Variants in PAX5 observed in about 807,000 individuals in gnomAD.
PAX5 encodes the protein paired box protein Pax-5.
In PAX5, 9 loss-of-function variants were observed where a neutral mutation model predicts 43.7. The ratio of observed to expected loss-of-function variants is 0.21; its 90% CI spans 0.12 to 0.36. PAX5 has a LOEUF of 0.36. Among genes scored for constraint, PAX5 ranks in the 10% least tolerant of loss-of-function variants. The pLI is 1.00. For synonymous variants in PAX5, 228 were observed against 214.3 expected (o/e 1.06, Z -0.56); for missense variants, 383 against 532.7 (o/e 0.72, Z 2.77).
Position 36,965,205 on chromosome 9 carries a change from G to A in PAX5, c.780+1344C>T, listed in dbSNP as rs930771904. Among the ~76,000 whole-genome samples, 8 of 152,016 alleles carry A rather than the reference G, an allele frequency of 5.3e-5. No individual in the cohort carries two copies. In the East Asian group the frequency reaches 1.5e-3, roughly 29 times the overall value. ...AGACACCTCCTCCTTAGCACCAAGC[G>A]CACCTGTAACCCATGACCCTTTAGG... On this transcript the variant is annotated intron_variant, in intron 6 of 9. Transcript: ENST00000358127.
rs951590292 is a variant in PAX5 at position 36,837,272 on chromosome 9, T to C, written c.*3288A>G. On this transcript the variant is annotated 3_prime_UTR_variant, in exon 10 of 10. Coordinates refer to ENST00000358127, the MANE Select transcript of PAX5 (RefSeq NM_016734.3). ...TCATGCTCTTTGCTCCACAGAGTGG[T>C]TGAGGATTGCAAAGCACCGTACAAT... 4.3e-6 allele frequency: 1 copy of C among 232,952 alleles called. No homozygotes were observed. The highest frequency in any genetic ancestry group is 8.5e-6 in the Non-Finnish European group (1 of 117,970). The allele number at this position is 232,952 out of a possible 1,614,324, so 14.4% of individuals were successfully genotyped here. A position where few individuals can be genotyped will look rare whatever the true frequency, so the allele number is the denominator to read the frequency against.
At chr9:36,921,797 C>T (rs1830190578) in intron 7 of PAX5, among the ~76,000 whole-genome samples, 1 of 152,214 alleles carries the variant, frequency 6.6e-6, no homozygotes, top group Non-Finnish European at 1.5e-5. Context: ...AGGGCCAGCT[C>T]TAACTCCCCC....
intron 3 of PAX5, among the ~76,000 whole-genome samples, chr9:37,010,843 G>A (rs1206131558): frequency 6.6e-6 from 1 of 152,152 alleles, no homozygotes; most frequent in Non-Finnish European, 1.5e-5. Flanking sequence ...TGGCACCCAG[G>A]CCTGTGACTG....
At chr9:36,969,769 G>T (rs1049426715) in intron 5 of PAX5, among the ~76,000 whole-genome samples, 39 of 152,260 alleles carry the variant, frequency 2.6e-4, no homozygotes, top group African/African-American at 9.4e-4. Context: ...GACTGCCCTC[G>T]AAGGGCTGCG....
intron 8 of PAX5, among the ~76,000 whole-genome samples, chr9:36,866,281 G>C (rs1171493381): frequency 6.6e-6 from 1 of 152,160 alleles, no homozygotes; most frequent in Non-Finnish European, 1.5e-5. Flanking sequence ...CTTTCTAACT[G>C]GGTCACAGCT....
intron 1 of PAX5, chr9:37,026,549 C>A (rs1377748700): frequency 7.5e-7 from 1 of 1,334,406 alleles, no homozygotes; most frequent in Middle Eastern, 2.0e-4. Flanking sequence ...TGGATGCAAA[C>A]GGGTCGTGCT....
intron 7 of PAX5, among the ~76,000 whole-genome samples, chr9:36,906,875 A>G (rs908381383): frequency 6.7e-6 from 1 of 148,378 alleles, no homozygotes; most frequent in Non-Finnish European, 1.5e-5. Context: ...TTTATAGATG[A>G]GGAGACTGAG....
chr9:37,001,670 A>G (rs1320046689), intron 5 of PAX5, among the ~76,000 whole-genome samples: 1 of 152,220 alleles, frequency 6.6e-6, no homozygotes. Context: ...TTCTAGTTAC[A>G]GATCTTAAGT....
At chr9:36,933,757 T>C (rs1831320065) in intron 6 of PAX5, among the ~76,000 whole-genome samples, 1 of 152,216 alleles carries the variant, frequency 6.6e-6, no homozygotes, top group Non-Finnish European at 1.5e-5. Flanking sequence ...AAGTGTATGT[T>C]AAGGAGTAGT....
At chr9:37,016,591 A>G (rs184140430) in intron 2 of PAX5, among the ~76,000 whole-genome samples, 25 of 152,362 alleles carry the variant, frequency 1.6e-4, no homozygotes, top group Admixed American at 1.6e-3. Context: ...TCTTTTCTGA[A>G]TCTGAGACAT....
At chr9:36,962,724 G>A (rs1314035824) in intron 6 of PAX5, among the ~76,000 whole-genome samples, 1 of 152,156 alleles carries the variant, frequency 6.6e-6, no homozygotes, top group African/African-American at 2.4e-5. Context: ...CGACCCCAAG[G>A]CCAGTAAGTG....
intron 8 of PAX5, among the ~76,000 whole-genome samples, chr9:36,856,994 G>A (rs1006803461): frequency 6.6e-6 from 1 of 152,156 alleles, no homozygotes; most frequent in Non-Finnish European, 1.5e-5. Context: ...CTTGGCCCCA[G>A]GTTCTGCAGA....
At chr9:37,033,759 C>T (rs550385966) in intron 1 of PAX5, among the ~76,000 whole-genome samples, 66 of 152,284 alleles carry the variant, frequency 4.3e-4, no homozygotes, top group African/African-American at 1.4e-3. Context: ...AGGACGCCAG[C>T]GTGAACATTC....
intron 8 of PAX5, among the ~76,000 whole-genome samples, chr9:36,873,225 C>T (rs1430497943): frequency 6.6e-6 from 1 of 152,238 alleles, no homozygotes; most frequent in Non-Finnish European, 1.5e-5. Context: ...TAGCTCTTAA[C>T]ATTAGCACAT....
chr9:36,869,835 GATGGATGGATAA>G (rs1473675714), intron 8 of PAX5, among the ~76,000 whole-genome samples: 29 of 146,372 alleles, frequency 2.0e-4, no homozygotes, highest in African/African-American at 5.2e-4. Flanking sequence ...TGAATAGATG[GATGGATGGATAA>G]ATGGATGGAT....
chr9:36,844,444 G>T (rs902909496), intron 9 of PAX5, among the ~76,000 whole-genome samples: 3 of 151,706 alleles, frequency 2.0e-5, no homozygotes, highest in Admixed American at 6.6e-5. Flanking sequence ...TATGTGCTCT[G>T]TAGGGTTGCT....
intron 7 of PAX5, among the ~76,000 whole-genome samples, chr9:36,884,100 T>C (rs58724971): frequency 0.063 from 9,557 of 152,318 alleles, 339 homozygotes; most frequent in Middle Eastern, 0.16. Context: ...ATCTCAGTTA[T>C]TAAACTGTTC....
chr9:36,838,010 C>T lies in PAX5; in HGVS notation c.*2550G>A. The T allele has an allele frequency of 4.3e-6, 1 of 233,310 alleles. No homozygotes were observed. Among genetic ancestry groups the T allele is most frequent in the Non-Finnish European group, 8.5e-6 (1 of 118,072 alleles). The allele number at this position is 233,310 out of a possible 1,614,324, so 14.5% of individuals were successfully genotyped here. On this transcript the variant is annotated 3_prime_UTR_variant, in exon 10 of 10. Coordinates refer to ENST00000358127, the MANE Select transcript of PAX5 (RefSeq NM_016734.3). The stretch of plus-strand genomic sequence containing the variant: ...GGGGCAGAGGCTCAAGAAGTCTGTG[C>T]TGAAGACCCCTGACCCCACCACTTC...
At position 36,903,193 on chromosome 9, in the gene PAX5, C is replaced by G. The variant is rs111379841; in HGVS notation, c.910+20162G>C. On this transcript the variant is annotated intron_variant, in intron 7 of 9. Transcript: ENST00000358127. ...CATGATCCTTACCCTGGCACTTGGCCTTCTCTCTCCCAGACCAAGGAAGGA... is the reference window on the plus strand; with the variant it reads ...CATGATCCTTACCCTGGCACTTGGCGTTCTCTCTCCCAGACCAAGGAAGGA... Among the ~76,000 whole-genome samples, 1,194 of 152,270 alleles carry G rather than the reference C, an allele frequency of 7.8e-3. 18 individuals carry two copies. Among genetic ancestry groups the G allele is most frequent in the African/African-American group, 0.028 (1,143 of 41,540 alleles).
Sources: allele counts gnomAD v4.1 joint callset (sites outside exome capture counted in the v4.1 genomes callset), GRCh38; gene constraint gnomAD v4.1.1; transcripts MANE v1.5; gene names NCBI Gene and HGNC (gene_info 2026-07-23, HGNC 2026-07-21).